Variants in CIITA observed in about 807,000 individuals in gnomAD.
The protein encoded by CIITA is class II major histocompatibility complex transactivator.
A neutral mutation model predicts 115.1 loss-of-function variants in CIITA; 72 were observed. The ratio of observed to expected loss-of-function variants is 0.63; its 90% confidence interval spans 0.52 to 0.76. CIITA has a LOEUF of 0.76. Among genes scored for constraint, CIITA ranks in the 30% least tolerant of loss-of-function variants. The pLI is 0.00. For missense variants in CIITA, 1,617 were observed against 1,463.8 expected (o/e 1.10, Z -1.71); for synonymous variants, 763 against 635.6 (o/e 1.20, Z -3.02).
At chr16:10,909,294 G>A (rs2039396288) in intron 12 of CIITA, 107 bp downstream of exon 12, 2 of 1,191,452 alleles carry the variant, frequency 1.7e-6, no homozygotes, top group Non-Finnish European at 1.2e-6. Flanking sequence ...CTGTCCTCTG[G>A]GACACCCCAT....
At chr16:10,893,804 TAAAAAAAAAA>T (rs71136603) in intron 1 of CIITA, among the ~76,000 whole-genome samples, 384 of 32,178 alleles carry the variant, frequency 0.012, 6 homozygotes, top group Middle Eastern at 0.059. Flanking sequence ...GACTCCGTCT[TAAAAAAAAAA>T]AAAAAAAAAA....
intron 1 of CIITA, among the ~76,000 whole-genome samples, chr16:10,880,335 C>T (rs1446824010): frequency 6.6e-6 from 1 of 152,188 alleles, no homozygotes; most frequent in Non-Finnish European, 1.5e-5. Flanking sequence ...CAGGTTAAAC[C>T]ATCTATCCCA....
rs1472782816 is a variant in CIITA, at chr16:10,923,447, A to G, written c.*22+122A>G. ...GGGCTAGGCCACCACCCTTGGACGC[A>G]TGCGTCATCAGAGACATCCCCTCAT... On this transcript the variant is annotated intron_variant, in intron 19 of 19. Transcript: ENST00000324288. This position sits in a 1 kb window ranked among gnomAD's most constrained non-coding sequence, Gnocchi z 5.2. 2.7e-6 allele frequency: 2 copies of G among 742,886 alleles called. No homozygotes were observed. Among genetic ancestry groups the G allele is most frequent in the Non-Finnish European group, 2.4e-6 (1 of 424,880 alleles). The allele number at this position is 742,886 out of a possible 1,614,324, so 46.0% of individuals were successfully genotyped here. A position where few individuals can be genotyped will look rare whatever the true frequency, so the allele number is the denominator to read the frequency against.
chr16:10,891,159 C>G (rs185035071), intron 1 of CIITA, among the ~76,000 whole-genome samples: 7 of 152,266 alleles, frequency 4.6e-5, no homozygotes, highest in African/African-American at 1.4e-4. Flanking sequence ...CCCACCATCC[C>G]CCATCTGTGA....
chr16:10,910,260 G>A lies in CIITA; in HGVS notation c.2888+1G>A, dbSNP rs372826934. The stretch of plus-strand genomic sequence containing the variant: ...GGGACCTAAAGAAACTGGAGTTTGC[G>A]TAAGCAAAGGGGTGGATTGTCTTGT... On this transcript the variant is annotated splice_donor_variant, in intron 13 of 19. Coordinates refer to ENST00000324288, the MANE Select transcript of CIITA (RefSeq NM_000246.4). LOFTEE classifies it high-confidence loss of function. 1.1e-5 allele frequency: 18 copies of A among 1,613,290 alleles called. No homozygotes were observed. The highest frequency in any genetic ancestry group is 1.7e-5 in the Admixed American group (1 of 59,974).
Position 10,877,316 on chromosome 16 carries a change from T to A in CIITA, c.-15T>A, listed in dbSNP as rs765710812. ...CAGACTCCGGGAGCTGCTGCCTGGC[T>A]GGGATTCCTACACAATGCGTTGCCT... On this transcript the variant is annotated 5_prime_UTR_variant, in exon 1 of 20. Transcript: ENST00000324288. 3 of 1,612,004 alleles carry A rather than the reference T, an allele frequency of 1.9e-6. No individual in the cohort carries two copies. The highest frequency in any genetic ancestry group is 2.5e-6 in the Non-Finnish European group (3 of 1,179,060).
chr16:10,900,906 A>G (rs1319215393), intron 5 of CIITA, among the ~76,000 whole-genome samples: 1 of 152,048 alleles, frequency 6.6e-6, no homozygotes, highest in African/African-American at 2.4e-5. Context: ...CCACACACCC[A>G]TTCATTATAT....
intron 14 of CIITA, among the ~76,000 whole-genome samples, chr16:10,915,909 A>T (rs1035219697): frequency 6.6e-6 from 1 of 152,180 alleles, no homozygotes; most frequent in African/African-American, 2.4e-5. Flanking sequence ...TGCATCCTCA[A>T]TGTGGCTGGC....
chr16:10,907,110 G>A lies in CIITA; in HGVS notation c.1618G>A (p.Gly540Ser). Residue 540 changes from glycine to serine, a missense_variant, in exon 11 of 20, where the codon GGT (glycine) becomes AGT (serine). Gly to Ser is a moderately conservative substitution (Grantham distance 56, BLOSUM62 0). Transcript: ENST00000324288. The surrounding 1 kb of genome is among the most constrained non-coding windows in gnomAD (Gnocchi z 5.0). ...AGLFQKKLLR[G>S]CTLLLTARPR... Reference sequence around the variant, plus strand: ...CCTTTTCCAGAAGAAGCTGCTCCGAGGTTGCACCCTCCTCCTCACAGCCCG... The same window carrying A: ...CCTTTTCCAGAAGAAGCTGCTCCGAAGTTGCACCCTCCTCCTCACAGCCCG... 1 of 1,611,006 alleles carries A rather than the reference G, an allele frequency of 6.2e-7. No homozygotes were observed. The highest frequency in any genetic ancestry group is 8.5e-7 in the Non-Finnish European group (1 of 1,179,798).
In CIITA at chr16:10,895,764, G is replaced by A. The variant is rs761597254; in HGVS notation, c.295G>A (p.Ala99Thr). The A allele has an allele frequency of 3.1e-6, 5 of 1,613,890 alleles. No individual in the cohort carries two copies. Among genetic ancestry groups the A allele is most frequent in the Non-Finnish European group, 3.4e-6 (4 of 1,179,896 alleles). ...GACCAGGGAGGCTTATGCCAATATC[G>A]GTGAGGAAGCACCTGAGCCCAGAAA... is the stretch of plus-strand genomic sequence containing the variant. ...EETREAYANI[A>T]ELDQYVFQDS... The change falls in exon 3 of 20, where the codon GCG (alanine) becomes ACG (threonine). Residue 99 changes from alanine to threonine, a missense_variant and splice_region_variant. Physicochemically the swap from Ala to Thr is moderately conservative, Grantham distance 58. Coordinates refer to ENST00000324288, the MANE Select transcript of CIITA (RefSeq NM_000246.4).
chr16:10,880,964 A>T (rs765257631), intron 1 of CIITA, among the ~76,000 whole-genome samples: 31 of 152,264 alleles, frequency 2.0e-4, no homozygotes, highest in Admixed American at 4.6e-4. Flanking sequence ...ATAGATCCTA[A>T]AGGGATTGTT....
rs937166528 is a variant in CIITA, at chr16:10,901,048, T to C, written c.437-466T>C. On this transcript the variant is annotated intron_variant, in intron 5 of 19. Coordinates refer to ENST00000324288, the MANE Select transcript of CIITA (RefSeq NM_000246.4). This position sits in a 1 kb window ranked among gnomAD's most constrained non-coding sequence, Gnocchi z 6.8. ...GATGAACCATAATTTGTTTAAGCAG[T>C]CCCTTGCTAAGGGACACGTGGGTTT... 1.3e-5 allele frequency among the ~76,000 whole-genome samples: 2 copies of C among 152,144 alleles called. No homozygotes were observed. Among genetic ancestry groups the C allele is most frequent in the Admixed American group, 1.3e-4 (2 of 15,274 alleles).
In CIITA at chr16:10,879,255, C is replaced by T. The variant is rs780132257; in HGVS notation, c.52+1873C>T. 6.6e-6 allele frequency among the ~76,000 whole-genome samples: 1 copy of T among 152,192 alleles called. No individual in the cohort carries two copies. Among genetic ancestry groups the T allele is most frequent in the Non-Finnish European group, 1.5e-5 (1 of 68,030 alleles). Reference sequence around the variant, plus strand: ...AGCCGGGAACCCGGAGCTTGGCTTGCTGTGCCCAGAGCTCCGGGGCCGTGG... The same window carrying T: ...AGCCGGGAACCCGGAGCTTGGCTTGTTGTGCCCAGAGCTCCGGGGCCGTGG... On this transcript the variant is annotated intron_variant, in intron 1 of 19. Transcript: ENST00000324288. This position sits in a 1 kb window ranked among gnomAD's most constrained non-coding sequence, Gnocchi z 4.3.
chr16:10,902,651 C>A lies in CIITA; in HGVS notation c.629-7C>A. On this transcript the variant is annotated splice_polypyrimidine_tract_variant and splice_region_variant and intron_variant, in intron 7 of 19. Coordinates refer to ENST00000324288, the MANE Select transcript of CIITA (RefSeq NM_000246.4). The stretch of plus-strand genomic sequence containing the variant: ...AGATCCCACCTCACTGCCTTTGTCT[C>A]TTGCAGTGCCTTTCTCCAGTTCCTC... 6.2e-7 allele frequency: 1 copy of A among 1,614,252 alleles called. No homozygotes were observed. The highest frequency in any genetic ancestry group is 8.5e-7 in the Non-Finnish European group (1 of 1,180,046).
chr16:10,873,592 C>A (rs1258741911), upstream of CIITA, among the ~76,000 whole-genome samples: 1 of 152,162 alleles, frequency 6.6e-6, no homozygotes, highest in Non-Finnish European at 1.5e-5. Context: ...CCTTGGCTTG[C>A]AGGGAACCAA....
At position 10,880,530 on chromosome 16, in the gene CIITA, T is replaced by G. The variant is rs536947892; in HGVS notation, c.52+3148T>G. ...AGCAAGCAGTTTGCAGACGCAGGAT[T>G]TGAACCCTGGTCTACTGAGAGCCCA... On this transcript the variant is annotated intron_variant, in intron 1 of 19. Transcript: ENST00000324288. Among the ~76,000 whole-genome samples the G allele has an allele frequency of 1.1e-4, 17 of 152,296 alleles. 1 individual carries two copies. Among genetic ancestry groups the G allele is most frequent in the South Asian group, 8.3e-4 (4 of 4,824 alleles).
intron 4 of CIITA, 90 bp from the exon 5 acceptor site, chr16:10,898,835 C>T: frequency 6.3e-7 from 1 of 1,591,804 alleles, no homozygotes; most frequent in Non-Finnish European, 8.6e-7. Context: ...GATGGGCAGT[C>T]AGACCCCTCT....
Position 10,914,383 on chromosome 16 carries a change from G to A in CIITA, c.2889-1187G>A, listed in dbSNP as rs539085729. 9.2e-5 allele frequency among the ~76,000 whole-genome samples: 14 copies of A among 152,258 alleles called. No homozygotes were observed. The East Asian group carries it at 1.3e-3, about 15-fold the overall frequency. On this transcript the variant is annotated intron_variant, in intron 13 of 19. Transcript: ENST00000324288. Reference sequence around the variant, plus strand: ...CTCAGACTTCAGGATTTCAGAGGCCGAGAACATTTCGGAATGAATTCGAGT... The same window carrying A: ...CTCAGACTTCAGGATTTCAGAGGCCAAGAACATTTCGGAATGAATTCGAGT...
At chr16:10,875,827 T>C (rs569017848), upstream of CIITA, among the ~76,000 whole-genome samples, 1 of 152,274 alleles carries the variant, frequency 6.6e-6, no homozygotes, top group South Asian at 2.1e-4. Flanking sequence ...TGCACCATCA[T>C]ACATGGCTAA....
Sources: gnomAD v4.1 joint callset for allele counts (sites outside exome capture counted in the v4.1 genomes callset) on GRCh38, gnomAD v4.1.1 for gene constraint, Gnocchi (gnomAD v3.1) non-coding constraint, MANE v1.5 for transcripts, NCBI Gene and HGNC (gene_info 2026-07-23, HGNC 2026-07-21) for gene names.